The following CTNNA3 variants were observed in gnomAD, a reference collection of about 807,000 sequenced individuals.
The protein encoded by CTNNA3 is catenin alpha-3.
In CTNNA3, 76 loss-of-function variants were observed where a neutral mutation model predicts 95.7. The ratio of observed to expected loss-of-function variants is 0.79; its 90% CI spans 0.66 to 0.96. The LOEUF is 0.96. Among genes scored for constraint, CTNNA3 ranks in the 40% least tolerant of loss-of-function variants. The probability of loss-of-function intolerance (pLI) is 0.00; values close to 1 mark genes in which losing one functional copy is unlikely to be tolerated. For synonymous variants in CTNNA3, 431 were observed against 374.4 expected (o/e 1.15, Z -1.74); for missense variants, 1,191 against 1,089.8 (o/e 1.09, Z -1.31).
intron 11 of CTNNA3, among the ~76,000 whole-genome samples, chr10:66,504,562 A>T (rs1840386676): frequency 6.6e-6 from 1 of 152,196 alleles, no homozygotes; most frequent in Admixed American, 6.5e-5. Context: ...ATGCCCAGGA[A>T]CATGTCTTGG....
intron 12 of CTNNA3, among the ~76,000 whole-genome samples, chr10:66,374,891 A>G (rs1480814067): frequency 6.6e-6 from 1 of 152,082 alleles, no homozygotes; most frequent in Non-Finnish European, 1.5e-5. Context: ...CTGGGATTAC[A>G]GGTGTGAGCC....
At chr10:67,096,524 G>T (rs1858004255) in intron 7 of CTNNA3, among the ~76,000 whole-genome samples, 1 of 151,852 alleles carries the variant, frequency 6.6e-6, no homozygotes, top group Admixed American at 6.6e-5. Context: ...ATCCTCCAGA[G>T]AATTCAACAG....
At chr10:67,696,721 A>G (rs1840970853), upstream of CTNNA3, among the ~76,000 whole-genome samples, 1 of 152,200 alleles carries the variant, frequency 6.6e-6, no homozygotes, top group South Asian at 2.1e-4. Context: ...ACCAAAAAAA[A>G]AAGTCTTCTC....
chr10:66,991,536 G>T (rs1851036988), intron 7 of CTNNA3, among the ~76,000 whole-genome samples: 1 of 152,072 alleles, frequency 6.6e-6, no homozygotes, highest in African/African-American at 2.4e-5. Flanking sequence ...TGTAGACTCA[G>T]TGAAAACAAA....
intron 7 of CTNNA3, among the ~76,000 whole-genome samples, chr10:66,994,559 A>C (rs10997473): frequency 3.2e-4 from 49 of 152,216 alleles, no homozygotes; most frequent in Non-Finnish European, 8.8e-5. Context: ...AATGATACAA[A>C]AATAGCATTA....
intron 11 of CTNNA3, among the ~76,000 whole-genome samples, chr10:66,482,083 G>A (rs998814120): frequency 3.3e-5 from 5 of 152,260 alleles, no homozygotes; most frequent in South Asian, 2.1e-4. Flanking sequence ...CTAGCTGAAA[G>A]TAAGATTTTT....
intron 5 of CTNNA3, among the ~76,000 whole-genome samples, chr10:67,411,153 T>C (rs1253041484): frequency 6.6e-6 from 1 of 152,108 alleles, no homozygotes; most frequent in Non-Finnish European, 1.5e-5. Flanking sequence ...CCACAGTTAA[T>C]GGCAATGAGT....
chr10:67,164,248 T>C (rs1861668419), intron 7 of CTNNA3, among the ~76,000 whole-genome samples: 1 of 152,136 alleles, frequency 6.6e-6, no homozygotes, highest in Admixed American at 6.5e-5. Flanking sequence ...CTTTGTGATA[T>C]TGGCCAAGGA....
At chr10:66,824,540 T>G (rs934637561) in intron 7 of CTNNA3, among the ~76,000 whole-genome samples, 29 of 152,074 alleles carry the variant, frequency 1.9e-4, no homozygotes, top group Admixed American at 1.8e-3. Context: ...TGAACATGAT[T>G]TGAGGGGAAT....
At chr10:66,619,851 A>T (rs1411608298) in intron 10 of CTNNA3, among the ~76,000 whole-genome samples, 1 of 152,136 alleles carries the variant, frequency 6.6e-6, no homozygotes, top group Admixed American at 6.6e-5. Context: ...ACGTGTATTT[A>T]TGTTTATAAG....
chr10:66,268,533 A>G (rs1307430797), intron 13 of CTNNA3, among the ~76,000 whole-genome samples: 2 of 152,150 alleles, frequency 1.3e-5, no homozygotes, highest in African/African-American at 4.8e-5. Flanking sequence ...AGGAGTCTGT[A>G]CCCTTTCTAA....
intron 5 of CTNNA3, among the ~76,000 whole-genome samples, chr10:67,364,355 C>G (rs1391740697): frequency 6.6e-6 from 1 of 152,142 alleles, no homozygotes. Flanking sequence ...GACAAACCCA[C>G]AGCCAATATC....
intron 10 of CTNNA3, 54 bp from the exon 11 acceptor site, chr10:66,520,827 G>C (rs1841039965): frequency 8.5e-6 from 12 of 1,412,374 alleles, no homozygotes; most frequent in Non-Finnish European, 1.2e-5. Context: ...TTCACTATTT[G>C]GGTGATGGGC....
intron 13 of CTNNA3, among the ~76,000 whole-genome samples, chr10:66,155,330 A>G (rs1476176528): frequency 6.6e-6 from 1 of 151,872 alleles, no homozygotes; most frequent in Non-Finnish European, 1.5e-5. Context: ...GAGAGATACA[A>G]ATTATGGAAT....
chr10:67,068,299 A>C (rs768194490), intron 7 of CTNNA3, among the ~76,000 whole-genome samples: 1 of 152,186 alleles, frequency 6.6e-6, no homozygotes, highest in Non-Finnish European at 1.5e-5. Context: ...TAAAACACAT[A>C]TAGATGGTGA....
intron 7 of CTNNA3, among the ~76,000 whole-genome samples, chr10:66,830,300 G>T (rs1225572556): frequency 1.3e-5 from 2 of 152,184 alleles, no homozygotes; most frequent in African/African-American, 4.8e-5. Context: ...ATTTAAATAT[G>T]TGTACCAATA....
At chr10:67,595,242 A>G (rs1842904377) in intron 3 of CTNNA3, among the ~76,000 whole-genome samples, 1 of 152,128 alleles carries the variant, frequency 6.6e-6, no homozygotes, top group African/African-American at 2.4e-5. Flanking sequence ...TCAATTTGAG[A>G]GCCTTCTGCC....
chr10:67,705,266 TC>T (rs1841071010), intron 1 of CTNNA3, among the ~76,000 whole-genome samples: 1 of 152,076 alleles, frequency 6.6e-6, no homozygotes, highest in South Asian at 2.1e-4. Flanking sequence ...GACCCAGCCA[TC>T]CCATTACTGG....
chr10:66,829,371 G>C (rs903376509), intron 7 of CTNNA3, among the ~76,000 whole-genome samples: 3 of 152,164 alleles, frequency 2.0e-5, no homozygotes, highest in African/African-American at 7.2e-5. Context: ...AGCACTTTGG[G>C]AGGCTGAGGT....
Sources: allele counts gnomAD v4.1 joint callset (sites outside exome capture counted in the v4.1 genomes callset), GRCh38; gene constraint gnomAD v4.1.1; transcripts MANE v1.5; gene names NCBI Gene and HGNC (gene_info 2026-07-23, HGNC 2026-07-21).